The following CACNA2D3 variants were observed in gnomAD, a reference collection of about 807,000 sequenced individuals.
CACNA2D3 encodes the protein voltage-dependent calcium channel subunit alpha-2/delta-3.
A neutral mutation model predicts 160.6 loss-of-function variants in CACNA2D3; 60 were observed. That is an observed-to-expected ratio of 0.37 (90% CI 0.30 to 0.46). CACNA2D3 has a LOEUF of 0.46. Among genes scored for constraint, CACNA2D3 ranks in the 20% least tolerant of loss-of-function variants. CACNA2D3 has a pLI of 1.00. For missense variants in CACNA2D3, 1,205 were observed against 1,365.0 expected (o/e 0.88, Z 1.85); for synonymous variants, 558 against 492.9 (o/e 1.13, Z -1.75).
intron 9 of CACNA2D3, among the ~76,000 whole-genome samples, chr3:54,617,415 C>T (rs375773456): frequency 1.3e-5 from 2 of 152,152 alleles, no homozygotes; most frequent in East Asian, 1.9e-4. Context: ...CAAGTTCAGA[C>T]GTGGTGATGC....
At chr3:54,825,595 T>C (rs944408029) in intron 14 of CACNA2D3, among the ~76,000 whole-genome samples, 1 of 152,192 alleles carries the variant, frequency 6.6e-6, no homozygotes, top group African/African-American at 2.4e-5. Context: ...CTACACTTTA[T>C]GGCCAAGGCC....
intron 27 of CACNA2D3, among the ~76,000 whole-genome samples, chr3:54,956,894 C>T (rs1231078848): frequency 6.6e-6 from 1 of 152,010 alleles, no homozygotes; most frequent in African/African-American, 2.4e-5. Context: ...GTTAGGGAAA[C>T]CTCTTTGCCT....
At position 54,859,971 on chromosome 3, in the gene CACNA2D3, T is replaced by TGCGCGC. The variant is rs141605463; in HGVS notation, c.1627-11566_1627-11565insGCGCGC. 2.0e-3 allele frequency among the ~76,000 whole-genome samples: 122 copies of TGCGCGC among 61,204 alleles called. 2 individuals carry two copies. The highest frequency in any genetic ancestry group is 0.01 in the African/African-American group (108 of 10,504). 40.2% of individuals were successfully genotyped at this position (61,204 alleles called of 152,430 possible). Reference sequence around the variant, plus strand: ...TTTAGAACATCATCTGGAAAGTAGATGCACACACACACACACACACACACA... The same window carrying TGCGCGC: ...TTTAGAACATCATCTGGAAAGTAGATGCGCGCGCACACACACACACACACACACACA... On this transcript the variant is annotated intron_variant, in intron 17 of 37. Transcript: ENST00000474759.
chr3:54,531,855 G>A (rs192968245), intron 5 of CACNA2D3, among the ~76,000 whole-genome samples: 63 of 152,322 alleles, frequency 4.1e-4, no homozygotes, highest in African/African-American at 1.5e-3. Context: ...TTGTCACTGC[G>A]CTAGTCAGGT....
At chr3:54,736,044 TACACATAC>T (rs1478998449) in intron 11 of CACNA2D3, among the ~76,000 whole-genome samples, 2,056 of 50,462 alleles carry the variant, frequency 0.041, 492 homozygotes, top group Admixed American at 0.24. Context: ...TGTATATATA[TACACATAC>T]ATATGTATGT....
chr3:55,073,295 G>GGAGAAA lies in CACNA2D3; in HGVS notation c.2988-147_2988-142dup, dbSNP rs143356418. 11 of 609,590 alleles carry GGAGAAA rather than the reference G, an allele frequency of 1.8e-5. No individual in the cohort carries two copies. The East Asian group carries it at 3.0e-4, about 17-fold the overall frequency. The allele number at this position is 609,590 out of a possible 1,614,324, so 37.8% of individuals were successfully genotyped here. A position where few individuals can be genotyped will look rare whatever the true frequency, so the allele number is the denominator to read the frequency against. ...GGTATTTGTAAGTGAAGAGCCTCAT[G>GGAGAAA]GAGAAAGAAGGTAACATTAGTAGTA... On this transcript the variant is annotated intron_variant, in intron 35 of 37. Coordinates refer to ENST00000474759, the MANE Select transcript of CACNA2D3 (RefSeq NM_018398.3).
intron 11 of CACNA2D3, among the ~76,000 whole-genome samples, chr3:54,693,368 A>G (rs1485280959): frequency 6.6e-6 from 1 of 152,226 alleles, no homozygotes; most frequent in Non-Finnish European, 1.5e-5. Flanking sequence ...CCATCCTGAC[A>G]TGTTAGTGCA....
chr3:55,021,656 TA>T (rs1703454641), intron 35 of CACNA2D3, among the ~76,000 whole-genome samples: 1 of 70,906 alleles, frequency 1.4e-5, no homozygotes, highest in African/African-American at 4.3e-5. Context: ...TGTATATATA[TA>T]TGTGTGTGTA....
At chr3:54,863,335 T>C (rs2106804666) in intron 17 of CACNA2D3, among the ~76,000 whole-genome samples, 1 of 152,248 alleles carries the variant, frequency 6.6e-6, no homozygotes, top group African/African-American at 2.4e-5. Context: ...GTGTGTTCCT[T>C]CCTCTTTGCC....
At chr3:54,960,884 T>G (rs767512775) in intron 27 of CACNA2D3, among the ~76,000 whole-genome samples, 6 of 152,248 alleles carry the variant, frequency 3.9e-5, no homozygotes, top group Non-Finnish European at 7.3e-5. Flanking sequence ...GGTAAGTCAT[T>G]TATCTTGGAC....
chr3:54,503,774 T>C, intron 5 of CACNA2D3, 120 bp downstream of exon 5: 3 of 807,628 alleles, frequency 3.7e-6, no homozygotes, highest in African/African-American at 1.7e-5. Context: ...AGCACAGTTA[T>C]AAGCTGAGTG....
chr3:54,215,907 A>G (rs968291388), intron 2 of CACNA2D3, among the ~76,000 whole-genome samples: 3 of 151,880 alleles, frequency 2.0e-5, no homozygotes, highest in Admixed American at 6.6e-5. Context: ...TGTGACTTCA[A>G]ATATCCTTTC....
intron 13 of CACNA2D3, among the ~76,000 whole-genome samples, chr3:54,809,623 C>CTTCTTTCTTTCT (rs138945901): frequency 6.7e-6 from 1 of 148,816 alleles, no homozygotes; most frequent in African/African-American, 2.6e-5. Context: ...CGGCCCCTTC[C>CTTCTTTCTTTCT]TTCTTTCTTT....
intron 9 of CACNA2D3, among the ~76,000 whole-genome samples, chr3:54,600,018 C>T (rs938511268): frequency 3.3e-5 from 5 of 152,146 alleles, no homozygotes; most frequent in Admixed American, 6.5e-5. Flanking sequence ...TGCACGGCCC[C>T]GGAGTTTTTA....
At chr3:54,434,313 G>A (rs548746160) in intron 4 of CACNA2D3, among the ~76,000 whole-genome samples, 1 of 152,100 alleles carries the variant, frequency 6.6e-6, no homozygotes, top group Non-Finnish European at 1.5e-5. Context: ...TGAAAGTTTG[G>A]GCTATCAACA....
intron 2 of CACNA2D3, among the ~76,000 whole-genome samples, chr3:54,153,998 T>G (rs1246751903): frequency 2.6e-5 from 4 of 152,234 alleles, no homozygotes; most frequent in Non-Finnish European, 5.9e-5. Flanking sequence ...CTATAATCAA[T>G]AATTGAATTC....
At chr3:55,056,746 T>C (rs1704370345) in intron 35 of CACNA2D3, among the ~76,000 whole-genome samples, 1 of 152,156 alleles carries the variant, frequency 6.6e-6, no homozygotes, top group Admixed American at 6.5e-5. Flanking sequence ...ATGTGGAATC[T>C]GAAACAACTG....
chr3:54,810,745 G>A (rs1703285408), intron 13 of CACNA2D3, among the ~76,000 whole-genome samples: 1 of 152,082 alleles, frequency 6.6e-6, no homozygotes, highest in Non-Finnish European at 1.5e-5. Flanking sequence ...GTTTGAAAAA[G>A]GGTCCACTCA....
intron 27 of CACNA2D3, among the ~76,000 whole-genome samples, chr3:54,958,498 A>G (rs949732724): frequency 6.6e-6 from 1 of 152,232 alleles, no homozygotes; most frequent in African/African-American, 2.4e-5. Context: ...AGAGGAAGCC[A>G]GGGTGGATAT....
Sources: gnomAD v4.1 joint callset for allele counts (sites outside exome capture counted in the v4.1 genomes callset) on GRCh38, gnomAD v4.1.1 for gene constraint, MANE v1.5 for transcripts, NCBI Gene and HGNC (gene_info 2026-07-23, HGNC 2026-07-21) for gene names.